Variants in L3MBTL4 observed in about 807,000 individuals in gnomAD.
The protein encoded by L3MBTL4 is lethal(3)malignant brain tumor-like protein 4.
Under a neutral mutation model 84.5 loss-of-function variants are expected in L3MBTL4, and 70 were observed. The observed-to-expected ratio is 0.83, with a 90% CI of 0.68 to 1.01. L3MBTL4 has a LOEUF of 1.01. L3MBTL4 is among the 50% of genes least tolerant of loss of function. L3MBTL4 has a pLI of 0.00. For synonymous variants in L3MBTL4, 274 were observed against 259.8 expected (o/e 1.05, Z -0.52); for missense variants, 715 against 754.8 (o/e 0.95, Z 0.62).
intron 4 of L3MBTL4, among the ~76,000 whole-genome samples, chr18:6,268,851 T>G (rs1311703544): frequency 6.6e-6 from 1 of 152,224 alleles, no homozygotes; most frequent in Non-Finnish European, 1.5e-5. Context: ...TGTGAGCACA[T>G]ATGTGTGAAT....
intron 16 of L3MBTL4, among the ~76,000 whole-genome samples, chr18:6,008,389 G>A (rs2054584832): frequency 6.6e-6 from 1 of 152,166 alleles, no homozygotes; most frequent in African/African-American, 2.4e-5. Flanking sequence ...AATATGAGAT[G>A]TTACAACTTT....
chr18:6,349,016 C>T (rs1007722304), intron 1 of L3MBTL4, among the ~76,000 whole-genome samples: 3 of 152,196 alleles, frequency 2.0e-5, no homozygotes. Flanking sequence ...ATTACACAGC[C>T]ACCAAAATGG....
At chr18:6,322,955 T>TC (rs1302910775) in intron 1 of L3MBTL4, among the ~76,000 whole-genome samples, 3 of 151,990 alleles carry the variant, frequency 2.0e-5, no homozygotes, top group African/African-American at 7.3e-5. Context: ...AGGGCAGAAT[T>TC]CCCCCTTGGT....
At chr18:6,172,044 T>C (rs1303473192) in intron 12 of L3MBTL4, 102 bp from the exon 13 acceptor site, 1 of 574,018 alleles carries the variant, frequency 1.7e-6, no homozygotes, top group East Asian at 3.2e-5. Context: ...AGATTGAAAT[T>C]TTATTGATCA....
rs558440887 is a variant in L3MBTL4, at chr18:6,321,304, G to A, written c.-90-9248C>T. Among the ~76,000 whole-genome samples, 6 of 152,250 alleles carry A rather than the reference G, an allele frequency of 3.9e-5. No individual in the cohort carries two copies. In the South Asian group the frequency reaches 1.2e-3, roughly 32 times the overall value. ...AGAATAAACAGACAACCCAGAGAAT[G>A]GGAGAAGATATTTGCAAACTATGCA... On this transcript the variant is annotated intron_variant, in intron 1 of 18. Coordinates refer to ENST00000317931, the MANE Select transcript of L3MBTL4 (RefSeq NM_001330559.2).
chr18:6,379,982 C>T (rs952397412), intron 1 of L3MBTL4, among the ~76,000 whole-genome samples: 1 of 152,156 alleles, frequency 6.6e-6, no homozygotes, highest in Non-Finnish European at 1.5e-5. Context: ...TTAATTACTG[C>T]CTCAATTTCA....
At chr18:6,248,778 C>A (rs188436502) in intron 5 of L3MBTL4, among the ~76,000 whole-genome samples, 3 of 152,304 alleles carry the variant, frequency 2.0e-5, no homozygotes, top group African/African-American at 4.8e-5. Context: ...TACACGTACT[C>A]TTTTTCACAG....
intron 10 of L3MBTL4, among the ~76,000 whole-genome samples, chr18:6,230,526 A>G (rs1325277481): frequency 1.3e-5 from 2 of 152,206 alleles, no homozygotes; most frequent in East Asian, 3.8e-4. Context: ...GATTGTGAAT[A>G]GCGCTGAGAT....
chr18:6,296,888 G>A (rs998560623), intron 4 of L3MBTL4, among the ~76,000 whole-genome samples: 3 of 152,182 alleles, frequency 2.0e-5, no homozygotes, highest in Non-Finnish European at 4.4e-5. Flanking sequence ...AAATGGGAGG[G>A]AGGAGTAAGG....
chr18:6,180,987 T>C (rs2044445460), intron 12 of L3MBTL4, among the ~76,000 whole-genome samples: 1 of 152,074 alleles, frequency 6.6e-6, no homozygotes, highest in Admixed American at 6.6e-5. Context: ...CAGATGAACA[T>C]CATGATAAGC....
At chr18:5,986,531 C>A (rs935297478) in intron 16 of L3MBTL4, among the ~76,000 whole-genome samples, 4 of 152,228 alleles carry the variant, frequency 2.6e-5, no homozygotes, top group African/African-American at 9.6e-5. Context: ...CATCTCCCTT[C>A]ATTGCCTTTG....
intron 4 of L3MBTL4, among the ~76,000 whole-genome samples, chr18:6,288,845 A>T (rs1266700896): frequency 6.6e-6 from 1 of 151,630 alleles, no homozygotes; most frequent in Non-Finnish European, 1.5e-5. Flanking sequence ...ATTTTCATAT[A>T]ATTTAAAATA....
At chr18:6,139,275 T>C (rs2060122904) in intron 13 of L3MBTL4, among the ~76,000 whole-genome samples, 1 of 152,128 alleles carries the variant, frequency 6.6e-6, no homozygotes, top group African/African-American at 2.4e-5. Context: ...AGCTACAGTG[T>C]ACTATATACT....
intron 1 of L3MBTL4, among the ~76,000 whole-genome samples, chr18:6,319,232 A>G (rs760029427): frequency 6.6e-6 from 1 of 152,106 alleles, no homozygotes; most frequent in Non-Finnish European, 1.5e-5. Flanking sequence ...TGAGAGAAGA[A>G]CTAAATCCAA....
At chr18:6,110,081 C>T (rs778259937) in intron 14 of L3MBTL4, among the ~76,000 whole-genome samples, 3 of 151,924 alleles carry the variant, frequency 2.0e-5, no homozygotes, top group Non-Finnish European at 2.9e-5. Context: ...TGATTTAAAA[C>T]AACTTTGTGG....
intron 16 of L3MBTL4, among the ~76,000 whole-genome samples, chr18:5,985,362 C>T (rs80314205): frequency 0.016 from 2,414 of 152,250 alleles, 69 homozygotes; most frequent in African/African-American, 0.056. Context: ...TCTGCTTGTT[C>T]TGTTCCCAGT....
Position 6,327,244 on chromosome 18 carries a change from C to T in L3MBTL4, c.-90-15188G>A, listed in dbSNP as rs8091419. Among the ~76,000 whole-genome samples the T allele has an allele frequency of 9.4e-3, 1,424 of 152,230 alleles. 24 individuals carry two copies. Among genetic ancestry groups the T allele is most frequent in the African/African-American group, 0.033 (1,365 of 41,520 alleles). ...CTAACAAAGCTGAGTAAGGCTGGAA[C>T]TATGCATGCCTAGAACCTGGCTGTT... On this transcript the variant is annotated intron_variant, in intron 1 of 18. Coordinates refer to ENST00000317931, the MANE Select transcript of L3MBTL4 (RefSeq NM_001330559.2).
In L3MBTL4 at chr18:6,295,895, G is replaced by C. The variant is rs79337307; in HGVS notation, c.127+6008C>G. ...TAGATCATGGGGGCAGAGTTCTCAT[G>C]AACGGTTCAGCCTAAATATTTAACT... is the stretch of plus-strand genomic sequence containing the variant. On this transcript the variant is annotated intron_variant, in intron 4 of 18. Transcript: ENST00000317931. Among the ~76,000 whole-genome samples, 3 of 152,310 alleles carry C rather than the reference G, an allele frequency of 2.0e-5. No individual in the cohort carries two copies. In the South Asian group the frequency reaches 6.2e-4, roughly 32 times the overall value.
intron 13 of L3MBTL4, among the ~76,000 whole-genome samples, chr18:6,144,403 T>G (rs1042845498): frequency 9.2e-5 from 14 of 152,262 alleles, no homozygotes; most frequent in Non-Finnish European, 1.5e-4. Context: ...GCAAGTCTTC[T>G]AAGAAATCTT....
Sources: gnomAD v4.1 joint callset for allele counts (sites outside exome capture counted in the v4.1 genomes callset) on GRCh38, gnomAD v4.1.1 for gene constraint, MANE v1.5 for transcripts, NCBI Gene and HGNC (gene_info 2026-07-23, HGNC 2026-07-21) for gene names.